Variants in PAPPA2 observed in about 807,000 individuals in gnomAD.
PAPPA2 encodes the protein pappalysin-2.
In PAPPA2, 86 loss-of-function variants were observed where a neutral mutation model predicts 176.4. The observed-to-expected ratio is 0.49, with a 90% CI of 0.41 to 0.58. The LOEUF is 0.58. PAPPA2 is among the 20% of genes least tolerant of loss of function. PAPPA2 has a pLI of 0.00. For missense variants in PAPPA2, 2,073 were observed against 2,256.9 expected (o/e 0.92, Z 1.65); for synonymous variants, 809 against 852.2 (o/e 0.95, Z 0.88).
intron 21 of PAPPA2, among the ~76,000 whole-genome samples, chr1:176,809,705 A>C (rs987426690): frequency 5.3e-5 from 8 of 152,174 alleles, no homozygotes; most frequent in Admixed American, 5.2e-4. Context: ...AAGAAGAGGT[A>C]GAGAGTAGCT....
At chr1:176,655,750 C>T (rs147477862) in intron 3 of PAPPA2, among the ~76,000 whole-genome samples, 1,845 of 151,710 alleles carry the variant, frequency 0.012, 13 homozygotes, top group Middle Eastern at 0.02. Flanking sequence ...ATTATTTGGG[C>T]GATAGGCACA....
intron 14 of PAPPA2, among the ~76,000 whole-genome samples, chr1:176,760,716 G>A (rs985956083): frequency 1.3e-5 from 2 of 152,174 alleles, no homozygotes; most frequent in Admixed American, 6.5e-5. Flanking sequence ...GATTGTGCCC[G>A]GGTGCCCACA....
intron 14 of PAPPA2, among the ~76,000 whole-genome samples, chr1:176,764,690 G>A (rs746299775): frequency 8.0e-5 from 12 of 150,714 alleles, no homozygotes; most frequent in Non-Finnish European, 1.6e-4. Flanking sequence ...TCCGCCTCCC[G>A]GGTTCACGCC....
intron 2 of PAPPA2, among the ~76,000 whole-genome samples, chr1:176,590,225 A>G (rs1376381972): frequency 6.6e-6 from 1 of 152,230 alleles, no homozygotes; most frequent in African/African-American, 2.4e-5. Flanking sequence ...GACACTTGGC[A>G]GCTTGCAATT....
At chr1:176,597,380 A>C (rs1426642848) in intron 3 of PAPPA2, among the ~76,000 whole-genome samples, 1 of 151,700 alleles carries the variant, frequency 6.6e-6, no homozygotes. Context: ...ATTAGTTCTT[A>C]TTATTAAGGC....
intron 1 of PAPPA2, among the ~76,000 whole-genome samples, chr1:176,522,723 C>G (rs928767317): frequency 2.0e-5 from 3 of 152,212 alleles, no homozygotes; most frequent in Middle Eastern, 3.2e-3. Flanking sequence ...GCTTCTTGCT[C>G]TTAGATGGGG....
intron 7 of PAPPA2, 46 bp downstream of exon 7, chr1:176,695,905 G>T: frequency 6.2e-7 from 1 of 1,604,216 alleles, no homozygotes; most frequent in South Asian, 1.1e-5. Context: ...TGACCACTGA[G>T]GATGGGGGTG....
intron 2 of PAPPA2, among the ~76,000 whole-genome samples, chr1:176,558,763 C>T (rs985467813): frequency 2.0e-5 from 3 of 152,152 alleles, no homozygotes; most frequent in African/African-American, 7.2e-5. Flanking sequence ...TTCCTAGTAC[C>T]CATCTGCCAG....
intron 2 of PAPPA2, among the ~76,000 whole-genome samples, chr1:176,570,295 G>A (rs574145058): frequency 6.6e-6 from 1 of 152,024 alleles, no homozygotes; most frequent in Non-Finnish European, 1.5e-5. Flanking sequence ...ACTCTCTTTT[G>A]GGGGGGTGAA....
In PAPPA2 at chr1:176,821,526, A is replaced by G. The variant is rs371375795; in HGVS notation, c.5203-18647A>G. Among the ~76,000 whole-genome samples the G allele has an allele frequency of 1.2e-4, 19 of 152,354 alleles. No individual in the cohort carries two copies. The South Asian group carries it at 3.9e-3, about 32-fold the overall frequency. Reference sequence around the variant, plus strand: ...TCACTCATGCATCTACAAGTTGGCTAAAGTGACTCTCTTAGTTTGTGGTCT... The same window carrying G: ...TCACTCATGCATCTACAAGTTGGCTGAAGTGACTCTCTTAGTTTGTGGTCT... On this transcript the variant is annotated intron_variant, in intron 21 of 22. Coordinates refer to ENST00000367662, the MANE Select transcript of PAPPA2 (RefSeq NM_020318.3).
chr1:176,730,849 A>G (rs1235330347), intron 12 of PAPPA2, among the ~76,000 whole-genome samples: 2 of 152,012 alleles, frequency 1.3e-5, no homozygotes, highest in Non-Finnish European at 2.9e-5. Context: ...TTCTTTTTAA[A>G]ACCTTGGATT....
At chr1:176,694,662 C>T (rs1360510839) in intron 6 of PAPPA2, among the ~76,000 whole-genome samples, 1 of 152,212 alleles carries the variant, frequency 6.6e-6, no homozygotes, top group African/African-American at 2.4e-5. Flanking sequence ...CTTGAAGTGA[C>T]TTACCATTAT....
rs531811985 is a variant in PAPPA2 at position 176,710,378 on chromosome 1, A to G, written c.3651+202A>G. Among the ~76,000 whole-genome samples, 5 of 152,288 alleles carry G rather than the reference A, an allele frequency of 3.3e-5. No individual in the cohort carries two copies. The East Asian group carries it at 9.6e-4, about 29-fold the overall frequency. On this transcript the variant is annotated intron_variant, in intron 11 of 22. Transcript: ENST00000367662. Reference sequence around the variant, plus strand: ...AGTCACTTAACCTCTCTGGGCCCCAAGGTTCTCACCTGGAAAAATGGGTAT... The same window carrying G: ...AGTCACTTAACCTCTCTGGGCCCCAGGGTTCTCACCTGGAAAAATGGGTAT...
intron 3 of PAPPA2, among the ~76,000 whole-genome samples, chr1:176,632,093 G>T (rs1656370261): frequency 6.6e-6 from 1 of 152,160 alleles, no homozygotes; most frequent in South Asian, 2.1e-4. Flanking sequence ...GTGGAATTTG[G>T]CTTGGTAGAT....
At chr1:176,691,997 C>T in intron 5 of PAPPA2, 129 bp from the exon 6 acceptor site, 3 of 846,018 alleles carry the variant, frequency 3.5e-6, no homozygotes, top group Non-Finnish European at 3.7e-6. Context: ...TTCATTCATT[C>T]AACAAGTAAG....
intron 3 of PAPPA2, among the ~76,000 whole-genome samples, chr1:176,642,460 C>T (rs75728494): frequency 6.6e-6 from 1 of 151,622 alleles, no homozygotes; most frequent in Non-Finnish European, 1.5e-5. Flanking sequence ...GGAAAACTAC[C>T]AGTAGTTTGA....
intron 1 of PAPPA2, among the ~76,000 whole-genome samples, chr1:176,522,170 C>T (rs1649250435): frequency 6.6e-6 from 1 of 152,200 alleles, no homozygotes; most frequent in South Asian, 2.1e-4. Flanking sequence ...TTTATTTTTA[C>T]AATTTCTACT....
intron 2 of PAPPA2, among the ~76,000 whole-genome samples, chr1:176,591,085 GCA>G (rs66535582): frequency 0.08 from 11,358 of 142,096 alleles, 754 homozygotes; most frequent in African/African-American, 0.19. Flanking sequence ...TCACACACAT[GCA>G]CACACACACA....
At chr1:176,714,778 G>C (rs972009895) in intron 12 of PAPPA2, among the ~76,000 whole-genome samples, 1 of 152,132 alleles carries the variant, frequency 6.6e-6, no homozygotes, top group Admixed American at 6.5e-5. Flanking sequence ...TTGTATCCTT[G>C]TTGGGTGTAG....
Sources: allele counts gnomAD v4.1 joint callset (sites outside exome capture counted in the v4.1 genomes callset), GRCh38; gene constraint gnomAD v4.1.1; transcripts MANE v1.5; gene names NCBI Gene and HGNC (gene_info 2026-07-23, HGNC 2026-07-21).